Variants in ABITRAM observed in about 807,000 individuals in gnomAD.
The protein encoded by ABITRAM is actin binding transcription modulator, also known as protein Abitram.
A neutral mutation model predicts 22.9 loss-of-function variants in ABITRAM; 19 were observed. The ratio of observed to expected loss-of-function variants is 0.83; its 90% CI spans 0.58 to 1.22. ABITRAM has a LOEUF of 1.22. Ranked by LOEUF, ABITRAM falls within the 50% of genes most tolerant of loss-of-function variation. The pLI, the probability that ABITRAM is intolerant of heterozygous loss-of-function variation, is 0.00. For missense variants in ABITRAM, 215 were observed against 220.2 expected, an observed-to-expected ratio of 0.98 and a Z score of 0.15; for synonymous variants, 70 against 73.9, an observed-to-expected ratio of 0.95 and a Z score of 0.27.
In ABITRAM at chr9:108,939,760, G is replaced by C; in HGVS notation, c.*74G>C. On this transcript the variant is annotated 3_prime_UTR_variant, in exon 6 of 6. Transcript: ENST00000322940. ...AAACCATCAGGGTACTAAAGGAGAA[G>C]AACCAGTATATGTAAAGCATACCTA... 6.4e-7 allele frequency: 1 copy of C among 1,560,704 alleles called. No individual in the cohort carries two copies.
At chr9:108,936,486 T>C (rs1311007585) in intron 3 of ABITRAM, 49 bp downstream of exon 3, 1 of 1,581,888 alleles carries the variant, frequency 6.3e-7, no homozygotes, top group Admixed American at 1.7e-5. Flanking sequence ...TCTATATTCA[T>C]GGTAATGACA....
In ABITRAM at chr9:108,936,322, C is replaced by A; in HGVS notation, c.146C>A (p.Thr49Lys). 6.2e-7 allele frequency: 1 copy of A among 1,613,402 alleles called. No individual in the cohort carries two copies. The highest frequency in any genetic ancestry group is 8.5e-7 in the Non-Finnish European group (1 of 1,179,756). ...TCTCCTTGTAGAATATGTGTCATCA[C>A]ATTGGCAGAATCTCATCCAGTTCTT... Reference protein sequence around the residue: ...LQHSNRICVITLAESHPVLQS... With the variant: ...LQHSNRICVIKLAESHPVLQS... Residue 49 changes from threonine to lysine, a missense_variant, in exon 3 of 6, where the codon ACA becomes AAA. Physicochemically the swap from Thr to Lys is moderately conservative, Grantham distance 78. Transcript: ENST00000322940.
At chr9:108,938,099 C>T (rs1305340211) in intron 3 of ABITRAM, among the ~76,000 whole-genome samples, 3 of 151,756 alleles carry the variant, frequency 2.0e-5, no homozygotes, top group Non-Finnish European at 4.4e-5. Context: ...GATCTCAGAA[C>T]TGCCAATCAT....
chr9:108,947,946 A>G (rs1830452463), intron 3 of ABITRAM, among the ~76,000 whole-genome samples: 1 of 152,188 alleles, frequency 6.6e-6, no homozygotes, highest in Non-Finnish European at 1.5e-5. Context: ...TTGACTACCA[A>G]CAAAGCCCAT....
chr9:108,942,198 G>A (rs1830265065), downstream of ABITRAM, among the ~76,000 whole-genome samples: 1 of 152,312 alleles, frequency 6.6e-6, no homozygotes, highest in East Asian at 1.9e-4. Flanking sequence ...TTGGGAGTAG[G>A]TGAGGGACAT....
chr9:108,934,939 G>A (rs566536358), intron 1 of ABITRAM, among the ~76,000 whole-genome samples: 4 of 152,276 alleles, frequency 2.6e-5, no homozygotes, highest in African/African-American at 9.6e-5. Context: ...TTATTTAAAT[G>A]ATCAGATCGA....
chr9:108,950,496 T>C (rs1303015754), intron 3 of ABITRAM: 1 of 1,548,330 alleles, frequency 6.5e-7, no homozygotes, highest in African/African-American at 1.4e-5. Context: ...ATTTCTGCCT[T>C]CTTTTTCCAG....
At chr9:108,934,712 C>T (rs960971220) in intron 1 of ABITRAM, 147 bp downstream of exon 1, 20 of 781,932 alleles carry the variant, frequency 2.6e-5, no homozygotes, top group Non-Finnish European at 3.8e-5. Flanking sequence ...CCGTCTAGCC[C>T]CAGGGAATGG....
At position 108,939,447 on chromosome 9, in the gene ABITRAM, A is replaced by C; in HGVS notation, c.401A>C (p.Gln134Pro). The part of the protein sequence containing the change: ...ENILHKPSIL[Q>P]EKPSTEGYIA... Reference sequence around the variant, plus strand: ...ATCCTCCATAAGCCATCTATTCTTCAAGAAAAGGTAAAAGAGAGAGAAAAA... The same window carrying C: ...ATCCTCCATAAGCCATCTATTCTTCCAGAAAAGGTAAAAGAGAGAGAAAAA... The change falls in exon 5 of 6, where the codon CAA (glutamine) becomes CCA (proline). Residue 134 changes from glutamine (Q) to proline (P), a missense_variant. By Grantham distance (76) the Gln-to-Pro change is moderately conservative. Coordinates refer to ENST00000322940, the MANE Select transcript of ABITRAM (RefSeq NM_017832.4). 1 of 1,609,836 alleles carries C rather than the reference A, an allele frequency of 6.2e-7. No homozygotes were observed. The highest frequency in any genetic ancestry group is 8.5e-7 in the Non-Finnish European group (1 of 1,178,972).
At chr9:108,948,663 C>T (rs1830473190) in intron 3 of ABITRAM, among the ~76,000 whole-genome samples, 1 of 152,124 alleles carries the variant, frequency 6.6e-6, no homozygotes. Flanking sequence ...AGTTATCTAA[C>T]CTTGATGAGG....
chr9:108,945,356 T>C (rs1348271587), downstream of ABITRAM, among the ~76,000 whole-genome samples: 8 of 152,210 alleles, frequency 5.3e-5, no homozygotes, highest in Non-Finnish European at 1.2e-4. Flanking sequence ...ATGTAAATGC[T>C]AAGTAAATCG....
At position 108,939,184 on chromosome 9, in the gene ABITRAM, C is replaced by G. The variant is rs1379791870; in HGVS notation, c.262-12C>G. 8 of 1,610,862 alleles carry G rather than the reference C, an allele frequency of 5.0e-6. No individual in the cohort carries two copies. The highest frequency in any genetic ancestry group is 1.7e-5 in the Admixed American group (1 of 59,362). On this transcript the variant is annotated splice_polypyrimidine_tract_variant and intron_variant, in intron 3 of 5. Coordinates refer to ENST00000322940, the MANE Select transcript of ABITRAM (RefSeq NM_017832.4). ...TCCATCAACTGATTACTTCTTCCGT[C>G]TCATTACACAGGGGGCACAGTTTCT...
downstream of ABITRAM, chr9:108,943,815 A>C (rs1830318553): frequency 6.2e-7 from 1 of 1,612,742 alleles, no homozygotes; most frequent in Non-Finnish European, 8.5e-7. Context: ...ATCGTCTTTC[A>C]GCTGAAATGT....
downstream of ABITRAM, chr9:108,942,922 T>A (rs1429373002): frequency 1.9e-6 from 3 of 1,609,356 alleles, no homozygotes; most frequent in Admixed American, 5.0e-5. Context: ...TTTAAACCAT[T>A]TTTTAAAGTA....
Position 108,946,191 on chromosome 9 carries a change from C to T in ABITRAM, c.262-4316C>T, listed in dbSNP as rs374942853. On this transcript the variant is annotated intron_variant, in intron 3 of 3. Coordinates refer to the ABITRAM transcript ENST00000374624. ...GCGCACACCTGTAGTCCCAGCTACTCGGGAGGCTGAGGCAGAAGAATCACT... is the reference window on the plus strand; with the variant it reads ...GCGCACACCTGTAGTCCCAGCTACTTGGGAGGCTGAGGCAGAAGAATCACT... Among the ~76,000 whole-genome samples the T allele has an allele frequency of 1.1e-4, 17 of 151,138 alleles. No individual in the cohort carries two copies. The East Asian group carries it at 2.4e-3, about 21-fold the overall frequency.
intron 1 of ABITRAM, among the ~76,000 whole-genome samples, chr9:108,935,266 G>A (rs1398971613): frequency 6.6e-6 from 1 of 152,014 alleles, no homozygotes; most frequent in African/African-American, 2.4e-5. Flanking sequence ...CCAGAATGTC[G>A]GACTTGCACC....
rs1194772725 is a variant in ABITRAM at position 108,948,241 on chromosome 9, T to C, written c.262-2266T>C. The C allele has an allele frequency of 1.9e-6, 3 of 1,610,062 alleles. 1 individual carries two copies. In the South Asian group the frequency reaches 3.3e-5, roughly 18 times the overall value. ...TTTCAGTGGCCCCTCTCCTCTAAAA[T>C]AAAATTAATTGTTAAGAAGGTAACA... On this transcript the variant is annotated intron_variant, in intron 3 of 3. Transcript: ENST00000374624.
At chr9:108,943,987 G>C (rs909126348), downstream of ABITRAM, 1 of 1,613,834 alleles carries the variant, frequency 6.2e-7, no homozygotes, top group East Asian at 2.2e-5. Flanking sequence ...TTGAACACTG[G>C]AAGTAAGCTT....
intron 3 of ABITRAM, among the ~76,000 whole-genome samples, chr9:108,936,644 G>A (rs1830191206): frequency 6.6e-6 from 1 of 152,158 alleles, no homozygotes; most frequent in Non-Finnish European, 1.5e-5. Context: ...TGTTATATTA[G>A]GTTCTGTGCT....
Sources: gnomAD v4.1 joint callset for allele counts (sites outside exome capture counted in the v4.1 genomes callset) on GRCh38, gnomAD v4.1.1 for gene constraint, MANE v1.5 for transcripts, NCBI Gene and HGNC (gene_info 2026-07-23, HGNC 2026-07-21) for gene names.